The following RBM4 variants were observed in gnomAD, a reference collection of about 807,000 sequenced individuals.
RBM4 encodes RNA binding motif protein 4, also known as RNA-binding protein 4.
In RBM4, 7 loss-of-function variants were observed where a neutral mutation model predicts 29.5. That is an observed-to-expected ratio of 0.24 (90% confidence interval 0.14 to 0.45). RBM4 has a LOEUF of 0.45. Among genes scored for constraint, RBM4 ranks in the 20% least tolerant of loss-of-function variants. The pLI is 1.00. For synonymous variants in RBM4, 220 were observed against 205.4 expected (o/e 1.07, Z -0.61); for missense variants, 387 against 502.3 (o/e 0.77, Z 2.19).
Position 66,643,802 on chromosome 11 carries a change from C to G in RBM4, c.765C>G (p.Val255=), listed in dbSNP as rs1172435610. ...AEQTLSQLPQ[V]QNTAMASHLT... ...AGACCCTGTCCCAGCTGCCACAAGT[C>G]CAGAATACAGCCATGGCCAGTCACC... The change falls in exon 3 of 4, where the codon GTC becomes GTG. Residue 255 remains valine (V), a synonymous_variant. Transcript: ENST00000310092. The surrounding 1 kb of genome is among the most constrained non-coding windows in gnomAD (Gnocchi z 6.1). 6.2e-7 allele frequency: 1 copy of G among 1,613,886 alleles called. No homozygotes were observed. Among genetic ancestry groups the G allele is most frequent in the Non-Finnish European group, 8.5e-7 (1 of 1,180,014 alleles).
chr11:66,664,443 C>CCCAG (rs1173544146), intron 2 of RBM4, among the ~76,000 whole-genome samples: 1 of 151,982 alleles, frequency 6.6e-6, no homozygotes, highest in African/African-American at 2.4e-5. Flanking sequence ...AGCTATCGCG[C>CCCAG]CTGGCCAACT....
At chr11:66,639,003 C>G (rs1359234146) in intron 1 of RBM4, 1 of 152,118 alleles carries the variant, frequency 6.6e-6, no homozygotes, top group Admixed American at 6.5e-5. Flanking sequence ...GAGATTTCCA[C>G]TGGGATAACC....
chr11:66,667,411 C>T (rs1471233786), exon 3 of RBM4: 2 of 152,094 alleles, frequency 1.3e-5, no homozygotes, highest in Non-Finnish European at 2.9e-5. Context: ...CTTAAATGTT[C>T]CTCTCTTCAA....
chr11:66,648,249 GT>G (rs1359614046), downstream of RBM4, among the ~76,000 whole-genome samples: 3 of 151,696 alleles, frequency 2.0e-5, no homozygotes, highest in Admixed American at 6.5e-5. Flanking sequence ...GCCAGGTGCA[GT>G]GACTCAACGC....
downstream of RBM4, among the ~76,000 whole-genome samples, chr11:66,647,977 G>C (rs1317451700): frequency 6.6e-6 from 1 of 152,134 alleles, no homozygotes; most frequent in Non-Finnish European, 1.5e-5. Context: ...GGCCACGGTG[G>C]GTGGATCACG....
At chr11:66,658,091 C>T (rs148118232) in intron 2 of RBM4, among the ~76,000 whole-genome samples, 47 of 151,540 alleles carry the variant, frequency 3.1e-4, no homozygotes, top group Admixed American at 1.3e-3. Flanking sequence ...TGCAACGGCA[C>T]GATCTCGGCT....
At position 66,638,724 on chromosome 11, in the gene RBM4, A is replaced by C. The variant is rs568183798; in HGVS notation, c.-41A>C. 6.5e-6 allele frequency: 1 copy of C among 153,546 alleles called. No homozygotes were observed. The highest frequency in any genetic ancestry group is 2.4e-5 in the African/African-American group (1 of 41,476). The allele number at this position is 153,546 out of a possible 1,614,324, so 9.5% of individuals were successfully genotyped here. A position where few individuals can be genotyped will look rare whatever the true frequency, so the allele number is the denominator to read the frequency against. ...TTTTGTCAGAAGCGTCCGCGCCGCGAGGAGGAGGCCCTGCTGGTTTCTGTG... is the reference window on the plus strand; with the variant it reads ...TTTTGTCAGAAGCGTCCGCGCCGCGCGGAGGAGGCCCTGCTGGTTTCTGTG... On this transcript the variant is annotated 5_prime_UTR_variant, in exon 1 of 4. Coordinates refer to ENST00000310092, the MANE Select transcript of RBM4 (RefSeq NM_002896.4).
intron 2 of RBM4, chr11:66,665,157 G>C (rs1286109569): frequency 4.2e-5 from 7 of 167,906 alleles, no homozygotes; most frequent in African/African-American, 1.7e-4. Flanking sequence ...AGCAATTTCA[G>C]AAGAGTAACT....
intron 2 of RBM4, among the ~76,000 whole-genome samples, chr11:66,664,219 C>T (rs1048114935): frequency 7.8e-5 from 11 of 141,130 alleles, no homozygotes; most frequent in Middle Eastern, 4.1e-3. Context: ...GGTGCCATCT[C>T]GGCTCCCTGC....
At chr11:66,667,127 A>G (rs1330058300) in exon 3 of RBM4, 1 of 152,204 alleles carries the variant, frequency 6.6e-6, no homozygotes, top group East Asian at 1.9e-4. Context: ...ACTCAGTAGT[A>G]ACTCACTTTA....
rs1258701609 is a variant in RBM4 at position 66,657,063 on chromosome 11, G to T, written c.413-8793G>T. ...CATTTTTGTCAGCCAAAAAGCCCTT[G>T]TGCCCCTTTGTAGTTAATCCTCAGC... On this transcript the variant is annotated intron_variant, in intron 2 of 2. Transcript: ENST00000396053. Among the ~76,000 whole-genome samples the T allele has an allele frequency of 3.5e-5, 5 of 144,040 alleles. No homozygotes were observed. In the East Asian group the frequency reaches 1.0e-3, roughly 29 times the overall value. 94.5% of individuals were successfully genotyped at this position (144,040 alleles called of 152,430 possible). A position where few individuals can be genotyped will look rare whatever the true frequency, so the allele number is the denominator to read the frequency against.
chr11:66,644,185 C>T, intron 3 of RBM4, 45 bp downstream of exon 3: 1 of 1,569,310 alleles, frequency 6.4e-7, no homozygotes, highest in Non-Finnish European at 8.6e-7. Context: ...GCCATCCCTC[C>T]TGCAGCCTAA....
chr11:66,643,666 A>G lies in RBM4; in HGVS notation c.629A>G (p.Tyr210Cys). 6.2e-7 allele frequency: 1 copy of G among 1,614,162 alleles called. No individual in the cohort carries two copies. The highest frequency in any genetic ancestry group is 8.5e-7 in the Non-Finnish European group (1 of 1,180,024). The change falls in exon 3 of 4, where the codon TAT (tyrosine) becomes TGT (cysteine). Residue 210 changes from tyrosine (Y) to cysteine (C), a missense_variant. Tyr to Cys is a radical substitution (Grantham distance 194). Coordinates refer to ENST00000310092, the MANE Select transcript of RBM4 (RefSeq NM_002896.4). This position sits in a 1 kb window ranked among gnomAD's most constrained non-coding sequence, Gnocchi z 6.1. Reference protein sequence around the residue: ...PYTMSYGDSLYYNNAYGALDA... With the variant: ...PYTMSYGDSLCYNNAYGALDA... Reference sequence around the variant, plus strand: ...ACCATGAGCTATGGGGATTCATTGTATTACAACAACGCGTACGGAGCGCTC... The same window carrying G: ...ACCATGAGCTATGGGGATTCATTGTGTTACAACAACGCGTACGGAGCGCTC...
intron 2 of RBM4, among the ~76,000 whole-genome samples, chr11:66,656,571 C>T (rs1938953928): frequency 6.6e-6 from 1 of 152,150 alleles, no homozygotes; most frequent in Non-Finnish European, 1.5e-5. Flanking sequence ...GCCACTATGC[C>T]CGGCCTGAAG....
intron 2 of RBM4, chr11:66,640,736 C>G (rs1404365597): frequency 2.0e-5 from 3 of 152,926 alleles, no homozygotes; most frequent in African/African-American, 7.2e-5. Context: ...GCGGTAATGA[C>G]TGTCTTTTCA....
intron 2 of RBM4, among the ~76,000 whole-genome samples, chr11:66,655,842 T>C (rs1938939055): frequency 6.6e-6 from 1 of 152,184 alleles, no homozygotes; most frequent in African/African-American, 2.4e-5. Context: ...ACTAGTCTTG[T>C]AGGTTTTTAA....
chr11:66,655,668 TAGAG>T (rs1485545336), intron 2 of RBM4, among the ~76,000 whole-genome samples: 2 of 152,142 alleles, frequency 1.3e-5, no homozygotes, highest in Non-Finnish European at 2.9e-5. Context: ...GTACGCCAGG[TAGAG>T]AGAATATCTT....
At position 66,644,702 on chromosome 11, in the gene RBM4, G is replaced by C. The variant is rs796804140; in HGVS notation, c.*8+562G>C. On this transcript the variant is annotated intron_variant, in intron 3 of 3. Coordinates refer to ENST00000310092, the MANE Select transcript of RBM4 (RefSeq NM_002896.4). Reference sequence around the variant, plus strand: ...CTTGAAGCGTATTTCTGACATTCCTGAACCGTTCAACCCTTATGAGTTTTA... The same window carrying C: ...CTTGAAGCGTATTTCTGACATTCCTCAACCGTTCAACCCTTATGAGTTTTA... 57 of 982,512 alleles carry C rather than the reference G, an allele frequency of 5.8e-5. No individual in the cohort carries two copies. In the African/African-American group the frequency reaches 9.1e-4, roughly 16 times the overall value. 60.9% of individuals were successfully genotyped at this position (982,512 alleles called of 1,614,324 possible).
intron 2 of RBM4, among the ~76,000 whole-genome samples, chr11:66,652,847 C>T (rs554033464): frequency 1.3e-5 from 2 of 152,324 alleles, no homozygotes; most frequent in African/African-American, 2.4e-5. Context: ...CTGAAACATA[C>T]AACCCCACCC....
Sources: allele counts gnomAD v4.1 joint callset (sites outside exome capture counted in the v4.1 genomes callset), GRCh38; gene constraint gnomAD v4.1.1; non-coding constraint Gnocchi (gnomAD v3.1); transcripts MANE v1.5; gene names NCBI Gene and HGNC (gene_info 2026-07-23, HGNC 2026-07-21).